Variants in DZIP1 observed in about 807,000 individuals in gnomAD.
DZIP1 encodes the protein cilium assembly protein DZIP1.
A neutral mutation model predicts 107.6 loss-of-function variants in DZIP1; 97 were observed. That is an observed-to-expected ratio of 0.90 (90% CI 0.77 to 1.07). The LOEUF (loss-of-function observed/expected upper bound fraction) is 1.07. DZIP1 is among the 50% of genes least tolerant of loss of function. The pLI, the probability that DZIP1 is intolerant of heterozygous loss-of-function variation, is 0.00. For missense variants in DZIP1, 1,035 were observed against 1,063.6 expected (o/e 0.97, Z 0.37); for synonymous variants, 390 against 386.4 (o/e 1.01, Z -0.11).
intron 3 of DZIP1, 63 bp from the exon 4 acceptor site, chr13:95,642,304 G>A (rs976629545): frequency 2.3e-5 from 9 of 396,774 alleles, no homozygotes; most frequent in Admixed American, 4.5e-5. Flanking sequence ...ACCCGAAGAG[G>A]GTACCTCCTG....
At chr13:95,619,755 G>A (rs1470785701) in intron 10 of DZIP1, 130 bp downstream of exon 10, 2 of 802,046 alleles carry the variant, frequency 2.5e-6, no homozygotes, top group Non-Finnish European at 3.9e-6. Flanking sequence ...AGAATTATAG[G>A]TAATTTTAAT....
rs1226813358 is a variant in DZIP1, at chr13:95,589,155, T to A, written c.2026A>T (p.Thr676Ser). 2 of 1,606,178 alleles carry A rather than the reference T, an allele frequency of 1.2e-6. No homozygotes were observed. The highest frequency in any genetic ancestry group is 1.7e-6 in the Non-Finnish European group (2 of 1,177,034). ...DPFPRKSSTI[T>S]TPPFSSEEEQ... ...CCTCCCATCCCTGTCAATACTCACG[T>A]AATAGTTGAAGACTTTCTGGGAAAA... The change falls in exon 19 of 23, where the codon ACG becomes TCG. Residue 676 changes from threonine to serine, a missense_variant and splice_region_variant. By Grantham distance (58) the Thr-to-Ser change is moderately conservative. Transcript: ENST00000376829.
chr13:95,603,135 C>T (rs528328181), intron 14 of DZIP1, among the ~76,000 whole-genome samples: 1 of 151,848 alleles, frequency 6.6e-6, no homozygotes, highest in South Asian at 2.1e-4. Context: ...GCCTGGGCAA[C>T]ATAATGAAAT....
chr13:95,643,541 C>A (rs1266302655), intron 2 of DZIP1, 60 bp downstream of exon 2: 1 of 152,550 alleles, frequency 6.6e-6, no homozygotes, highest in Non-Finnish European at 1.5e-5. Flanking sequence ...TGATCTAGAA[C>A]AAATTGTCAG....
At position 95,616,987 on chromosome 13, in the gene DZIP1, C is replaced by T. The variant is rs142420717; in HGVS notation, c.1173+2898G>A. ...CTTTGGGAGGCCGAGGCGGGTAGATCACCTGAGGTCAGGAGTTCAAGACCA... is the reference window on the plus strand; with the variant it reads ...CTTTGGGAGGCCGAGGCGGGTAGATTACCTGAGGTCAGGAGTTCAAGACCA... On this transcript the variant is annotated intron_variant, in intron 10 of 22. Transcript: ENST00000376829. Among the ~76,000 whole-genome samples, 1,304 of 152,206 alleles carry T rather than the reference C, an allele frequency of 8.6e-3. 19 individuals are homozygous for T. Among genetic ancestry groups the T allele is most frequent in the African/African-American group, 0.03 (1,229 of 41,522 alleles).
intron 14 of DZIP1, among the ~76,000 whole-genome samples, chr13:95,605,425 C>T (rs888929431): frequency 1.3e-5 from 2 of 152,218 alleles, no homozygotes; most frequent in African/African-American, 4.8e-5. Flanking sequence ...TACAAATATT[C>T]AGCCCATCTA....
At chr13:95,594,230 C>G in intron 15 of DZIP1, 144 bp from the exon 16 acceptor site, 1 of 648,658 alleles carries the variant, frequency 1.5e-6, no homozygotes, top group Non-Finnish European at 2.6e-6. Flanking sequence ...TTTAGTCACT[C>G]AGCACAATAC....
chr13:95,589,318 G>T, intron 18 of DZIP1, 111 bp from the exon 19 acceptor site: 1 of 806,044 alleles, frequency 1.2e-6, no homozygotes, highest in South Asian at 1.8e-5. Context: ...TAACGAGGAA[G>T]AGCAGCAACA....
intron 12 of DZIP1, among the ~76,000 whole-genome samples, chr13:95,611,163 A>G (rs1049157371): frequency 2.0e-5 from 3 of 152,232 alleles, no homozygotes; most frequent in African/African-American, 7.2e-5. Flanking sequence ...GTATAAGTCA[A>G]GAGGTAAATG....
chr13:95,620,854 C>T (rs1875737987), intron 9 of DZIP1, among the ~76,000 whole-genome samples: 1 of 152,184 alleles, frequency 6.6e-6, no homozygotes. Context: ...CCACATCCTT[C>T]AGTTCATGAG....
Position 95,641,793 on chromosome 13 carries a change from C to G in DZIP1, c.99G>C (p.Val33=). The change falls in exon 5 of 23, where the codon GTG becomes GTC. Residue 33 remains valine, a synonymous_variant. Transcript: ENST00000376829. The surrounding 1 kb of genome is among the most constrained non-coding windows in gnomAD (Gnocchi z 4.3). ...ASGPEGPDVA[V]AAAAAGAASM... is the part of the protein sequence containing the mutation. ...AGGCCGCACCCGCGGCGGCGGCGGC[C>G]ACAGCGACGTCGGGCCCCTCTGGGC... The G allele has an allele frequency of 1.3e-6, 2 of 1,508,004 alleles. No homozygotes were observed. The highest frequency in any genetic ancestry group is 1.8e-6 in the Non-Finnish European group (2 of 1,138,270). 93.4% of individuals were successfully genotyped at this position (1,508,004 alleles called of 1,614,324 possible). A position where few individuals can be genotyped will look rare whatever the true frequency, so the allele number is the denominator to read the frequency against.
Position 95,636,543 on chromosome 13 carries a change from C to CAAAAAA in DZIP1, c.598-3228_598-3223dup, listed in dbSNP as rs58289509. Among the ~76,000 whole-genome samples, 293 of 118,222 alleles carry CAAAAAA rather than the reference C, an allele frequency of 2.5e-3. 2 individuals carry two copies. The highest frequency in any genetic ancestry group is 9.4e-3 in the African/African-American group (275 of 29,188). 77.6% of individuals were successfully genotyped at this position (118,222 alleles called of 152,430 possible). On this transcript the variant is annotated intron_variant, in intron 5 of 22. Transcript: ENST00000376829. ...AGGGTGACAAAACAAGACCTTGACT[C>CAAAAAA]AAAAAAAAAAAAAAAAATAGAAAAA...
Position 95,641,482 on chromosome 13 carries a change from AACTCTTGTGAGTGCAGCAAGT to A in DZIP1, c.389_409del (p.Tyr130_Glu136del). 3.7e-6 allele frequency: 6 copies of A among 1,614,086 alleles called. No homozygotes were observed. Among genetic ancestry groups the A allele is most frequent in the Non-Finnish European group, 5.1e-6 (6 of 1,180,008 alleles). Reference sequence around the variant, plus strand: ...CAGGGTGTGCAGCTGCGAGGTGAGGAACTCTTGTGAGTGCAGCAAGTACTCGATGGTGAACTGCGCCAGACG... The same window carrying A: ...CAGGGTGTGCAGCTGCGAGGTGAGGAACTCGATGGTGAACTGCGCCAGACG... On this transcript the variant is annotated inframe_deletion, in exon 5 of 23. Transcript: ENST00000376829. The surrounding 1 kb of genome is among the most constrained non-coding windows in gnomAD (Gnocchi z 4.3).
chr13:95,584,266 C>T (rs1164660382), intron 22 of DZIP1, among the ~76,000 whole-genome samples: 6 of 105,320 alleles, frequency 5.7e-5, no homozygotes, highest in South Asian at 3.7e-4. Flanking sequence ...TGAGCCACTG[C>T]GCCTGGCCAA....
At chr13:95,587,202 G>A (rs61975161) in intron 20 of DZIP1, among the ~76,000 whole-genome samples, 2,753 of 152,218 alleles carry the variant, frequency 0.018, 38 homozygotes, top group Non-Finnish European at 0.026. Context: ...ACCCTCCCTG[G>A]CAGCCCTCAC....
rs956225651 is a variant in DZIP1 at position 95,578,315 on chromosome 13, T to C, written c.*3919A>G. The C allele has an allele frequency of 5.1e-6, 1 of 194,980 alleles. No individual in the cohort carries two copies. The highest frequency in any genetic ancestry group is 1.0e-5 in the Non-Finnish European group (1 of 95,630). 12.1% of individuals were successfully genotyped at this position (194,980 alleles called of 1,614,324 possible). ...AAAGGTTCAAGAAGTATTCGTACTC[T>C]AGCCTTTTTAATCATTCATAGATAG... On this transcript the variant is annotated 3_prime_UTR_variant, in exon 23 of 23. Coordinates refer to ENST00000376829, the MANE Select transcript of DZIP1 (RefSeq NM_198968.4).
intron 8 of DZIP1, among the ~76,000 whole-genome samples, chr13:95,624,446 T>G (rs1753987607): frequency 6.6e-6 from 1 of 152,174 alleles, no homozygotes; most frequent in Non-Finnish European, 1.5e-5. Flanking sequence ...CACTGGACAA[T>G]GGAAAGTTCC....
intron 13 of DZIP1, 38 bp from the exon 14 acceptor site, chr13:95,606,097 T>TTTAATTAATTAA (rs2044765632): frequency 1.9e-6 from 3 of 1,607,358 alleles, no homozygotes; most frequent in African/African-American, 1.3e-5. Context: ...AGAGGTTCCA[T>TTTAATTAATTAA]AATTAAAGCA....
rs749438948 is a variant in DZIP1 at position 95,606,564 on chromosome 13, T to C, written c.1421-505A>G. ...GTTCATCCATGCTGTAGCATGTATA[T>C]AAATATCAGTATGTATTTTTATGGG... is the stretch of plus-strand genomic sequence containing the variant. On this transcript the variant is annotated intron_variant, in intron 13 of 22. Coordinates refer to ENST00000376829, the MANE Select transcript of DZIP1 (RefSeq NM_198968.4). Among the ~76,000 whole-genome samples the C allele has an allele frequency of 9.6e-4, 146 of 152,384 alleles. 1 individual carries two copies. The highest frequency in any genetic ancestry group is 8.1e-4 in the Non-Finnish European group (55 of 68,038).
Sources: allele counts gnomAD v4.1 joint callset (sites outside exome capture counted in the v4.1 genomes callset), GRCh38; gene constraint gnomAD v4.1.1; non-coding constraint Gnocchi (gnomAD v3.1); transcripts MANE v1.5; gene names NCBI Gene and HGNC (gene_info 2026-07-23, HGNC 2026-07-21).